CSMD1: variants seen among roughly 807,000 people sequenced by gnomAD.
CSMD1 encodes CUB and sushi domain-containing protein 1.
A neutral mutation model predicts 417.5 loss-of-function variants in CSMD1; 213 were observed. The ratio of observed to expected loss-of-function variants is 0.51; its 90% CI spans 0.46 to 0.57. The LOEUF (loss-of-function observed/expected upper bound fraction) is 0.57, where lower values mean the gene tolerates loss of function less well. Among genes scored for constraint, CSMD1 ranks in the 20% least tolerant of loss-of-function variants. The probability of loss-of-function intolerance (pLI) is 0.00; values close to 1 mark genes in which losing one functional copy is unlikely to be tolerated. For missense variants in CSMD1, 6,923 were observed against 4,529.7 expected, an observed-to-expected ratio of 1.53 and a Z score of -15.17; for synonymous variants, 2,862 against 1,736.8, an observed-to-expected ratio of 1.65 and a Z score of -16.11.
chr8:4,960,813 A>T (rs1353568503), intron 1 of CSMD1, among the ~76,000 whole-genome samples: 1 of 152,142 alleles, frequency 6.6e-6, no homozygotes, highest in East Asian at 1.9e-4. Flanking sequence ...AAATGGTAAA[A>T]CTATTTTATC....
intron 3 of CSMD1, among the ~76,000 whole-genome samples, chr8:4,203,974 G>T (rs936496129): frequency 6.6e-6 from 1 of 152,142 alleles, no homozygotes; most frequent in East Asian, 1.9e-4. Context: ...GGTGGTGCAC[G>T]CCTGTGGTCC....
chr8:4,903,006 TAATAATAAATAAATA>T (rs1048857991), intron 1 of CSMD1, among the ~76,000 whole-genome samples: 27 of 122,266 alleles, frequency 2.2e-4, no homozygotes, highest in Non-Finnish European at 3.4e-4. Context: ...TAAATAATAT[TAATAATAAATAAATA>T]AATAAATAAA....
In CSMD1 at chr8:4,289,410, G is replaced by GACTCAAAAAT. The variant is rs113872731; in HGVS notation, c.415+130542_415+130543insATTTTTGAGT. 4.6e-5 allele frequency among the ~76,000 whole-genome samples: 7 copies of GACTCAAAAAT among 151,972 alleles called. No individual in the cohort carries two copies. The South Asian group carries it at 1.2e-3, about 27-fold the overall frequency. The stretch of plus-strand genomic sequence containing the variant: ...AATTAGTTAAAGTAGAGGGAGCCAG[G>GACTCAAAAAT]GCCTGTGTTTCTCCTATTTTTTGCA... On this transcript the variant is annotated intron_variant, in intron 3 of 69. Coordinates refer to ENST00000635120, the MANE Select transcript of CSMD1 (RefSeq NM_033225.6).
chr8:4,773,480 G>A (rs12548690), intron 1 of CSMD1, among the ~76,000 whole-genome samples: 7,162 of 152,174 alleles, frequency 0.047, 209 homozygotes, highest in Non-Finnish European at 0.068. Flanking sequence ...GATTCTTTGT[G>A]TTCATGGATA....
chr8:3,839,031 ATATT>A (rs1381499276), intron 5 of CSMD1, among the ~76,000 whole-genome samples: 1 of 127,968 alleles, frequency 7.8e-6, no homozygotes, highest in African/African-American at 2.8e-5. Flanking sequence ...GATATTATAT[ATATT>A]TATTATATAT....
intron 2 of CSMD1, among the ~76,000 whole-genome samples, chr8:4,581,765 T>C (rs1160979732): frequency 6.6e-6 from 1 of 152,164 alleles, no homozygotes; most frequent in Non-Finnish European, 1.5e-5. Flanking sequence ...AAGACCATCT[T>C]GGCAGACAAT....
At chr8:3,968,379 G>C (rs58457399) in intron 5 of CSMD1, among the ~76,000 whole-genome samples, 2 of 152,242 alleles carry the variant, frequency 1.3e-5, no homozygotes, top group South Asian at 2.1e-4. Context: ...CACCAGCTCA[G>C]TGTGGTCACT....
intron 3 of CSMD1, among the ~76,000 whole-genome samples, chr8:4,186,292 G>C (rs991201136): frequency 1.3e-5 from 2 of 152,108 alleles, no homozygotes; most frequent in Admixed American, 1.3e-4. Context: ...GGAGGCCCGT[G>C]TTCAAGGTTG....
At chr8:4,052,361 T>C (rs542425859) in intron 3 of CSMD1, among the ~76,000 whole-genome samples, 1 of 152,228 alleles carries the variant, frequency 6.6e-6, no homozygotes, top group Non-Finnish European at 1.5e-5. Flanking sequence ...CACTCACGTG[T>C]ATGCTATTTT....
chr8:4,162,732 A>C (rs543775366), intron 3 of CSMD1, among the ~76,000 whole-genome samples: 1 of 152,162 alleles, frequency 6.6e-6, no homozygotes, highest in Admixed American at 6.5e-5. Flanking sequence ...CCAATCGATG[A>C]ACTTACATTG....
At chr8:4,828,223 A>G (rs1472387227) in intron 1 of CSMD1, among the ~76,000 whole-genome samples, 1 of 152,190 alleles carries the variant, frequency 6.6e-6, no homozygotes, top group Non-Finnish European at 1.5e-5. Flanking sequence ...AATATTCTAC[A>G]TGCTAAGCCA....
At chr8:2,950,485 T>G in intron 66 of CSMD1, 142 bp from the exon 67 acceptor site, 2 of 608,342 alleles carry the variant, frequency 3.3e-6, no homozygotes, top group Non-Finnish European at 5.8e-6. Flanking sequence ...TTTTTATTTG[T>G]GAATTTTAGC....
chr8:3,307,908 G>C, intron 24 of CSMD1, 87 bp from the exon 25 acceptor site: 2 of 1,421,748 alleles, frequency 1.4e-6, no homozygotes, highest in Non-Finnish European at 1.9e-6. Flanking sequence ...AAGCCATTAT[G>C]TCTGCATTAT....
At chr8:3,542,160 C>G (rs1238118189) in intron 10 of CSMD1, among the ~76,000 whole-genome samples, 2 of 152,126 alleles carry the variant, frequency 1.3e-5, no homozygotes, top group African/African-American at 2.4e-5. Context: ...TACATTATTA[C>G]AAAATACTTC....
At chr8:4,271,727 C>A (rs894555155) in intron 3 of CSMD1, among the ~76,000 whole-genome samples, 1 of 152,150 alleles carries the variant, frequency 6.6e-6, no homozygotes, top group African/African-American at 2.4e-5. Context: ...AATCCCAGGC[C>A]TGTATATGAT....
chr8:3,950,001 A>G lies in CSMD1; in HGVS notation c.818+47902T>C, dbSNP rs535176128. On this transcript the variant is annotated intron_variant, in intron 5 of 69. Coordinates refer to ENST00000635120, the MANE Select transcript of CSMD1 (RefSeq NM_033225.6). ...AGGCTTGCATGAAATTACCCACTAC[A>G]TTTGCCAGGGTCCACGGCATTTCCT... 263 of 455,870 alleles carry G rather than the reference A, an allele frequency of 5.8e-4. 4 individuals carry two copies. The highest frequency in any genetic ancestry group is 4.0e-3 in the South Asian group (257 of 64,548). The allele number at this position is 455,870 out of a possible 1,614,324, so 28.2% of individuals were successfully genotyped here. A position where few individuals can be genotyped will look rare whatever the true frequency, so the allele number is the denominator to read the frequency against.
Position 4,379,656 on chromosome 8 carries a change from T to G in CSMD1, c.415+40297A>C, listed in dbSNP as rs1802975840. On this transcript the variant is annotated intron_variant, in intron 3 of 69. Transcript: ENST00000635120. The stretch of plus-strand genomic sequence containing the variant: ...CACCAAAATGAGTCTGCTGGACTTT[T>G]TTTGAAATTAGTTCTTACAGGGGAA... Among the ~76,000 whole-genome samples the G allele has an allele frequency of 2.0e-5, 3 of 152,172 alleles. No homozygotes were observed. The South Asian group carries it at 6.2e-4, about 32-fold the overall frequency.
At chr8:2,974,411 G>A (rs1804740001) in intron 56 of CSMD1, 40 bp downstream of exon 56, 1 of 1,453,438 alleles carries the variant, frequency 6.9e-7, no homozygotes, top group Non-Finnish European at 9.2e-7. Context: ...AAAGTTATTT[G>A]AAATCTGTAA....
rs1007659620 is a variant in CSMD1, at chr8:4,456,002, A to C, written c.303-35937T>G. Among the ~76,000 whole-genome samples, 4 of 135,978 alleles carry C rather than the reference A, an allele frequency of 2.9e-5. No homozygotes were observed. The East Asian group carries it at 9.0e-4, about 31-fold the overall frequency. The allele number at this position is 135,978 out of a possible 152,430, so 89.2% of individuals were successfully genotyped here. On this transcript the variant is annotated intron_variant, in intron 2 of 69. Coordinates refer to ENST00000635120, the MANE Select transcript of CSMD1 (RefSeq NM_033225.6). ...TTAGAAGACAAACAATAAATTGCTTATCTTCTCCTTAACACAGTCCATTCT... is the reference window on the plus strand; with the variant it reads ...TTAGAAGACAAACAATAAATTGCTTCTCTTCTCCTTAACACAGTCCATTCT...
Sources: gnomAD v4.1 joint callset for allele counts (sites outside exome capture counted in the v4.1 genomes callset) on GRCh38, gnomAD v4.1.1 for gene constraint, MANE v1.5 for transcripts, NCBI Gene and HGNC (gene_info 2026-07-23, HGNC 2026-07-21) for gene names.